Variants in SLC35D4 observed in about 807,000 individuals in gnomAD.
SLC35D4 encodes the protein UDP-N-acetylglucosamine transporter SLC35D4.
At chr18:23,334,830 C>T in the SLC35D4 span, among the ~76,000 whole-genome samples, 126 of 152,030 alleles carry the variant, frequency 8.3e-4, 1 homozygote, top group East Asian at 0.021. Context: ...TGGTAAAACC[C>T]CATCTCTACT....
At chr18:23,411,473 A>T in the SLC35D4 span, among the ~76,000 whole-genome samples, 12 of 137,994 alleles carry the variant, frequency 8.7e-5, no homozygotes, top group African/African-American at 3.2e-4. Context: ...AGAAAAAAGA[A>T]AGAAAGAGAT....
At chr18:23,356,055 C>T in the SLC35D4 span, among the ~76,000 whole-genome samples, 1 of 152,170 alleles carries the variant, frequency 6.6e-6, no homozygotes. This position sits in a 1 kb window ranked among gnomAD's most constrained non-coding sequence, Gnocchi z 4.1. Context: ...GCCTATATCC[C>T]TGAGTCCTTC....
chr18:23,294,443 TA>T, the SLC35D4 span, among the ~76,000 whole-genome samples: 1 of 152,040 alleles, frequency 6.6e-6, no homozygotes, highest in East Asian at 1.9e-4. Flanking sequence ...AAAGCTTGAA[TA>T]AAAAGGCCCA....
chr18:23,430,841 T>C, the SLC35D4 span, among the ~76,000 whole-genome samples: 1 of 152,044 alleles, frequency 6.6e-6, no homozygotes, highest in African/African-American at 2.4e-5. Context: ...GGCAAACAAA[T>C]GACCTCCCAA....
the SLC35D4 span, among the ~76,000 whole-genome samples, chr18:23,367,817 T>A: frequency 6.6e-6 from 1 of 151,954 alleles, no homozygotes; most frequent in African/African-American, 2.4e-5. Flanking sequence ...AGTGCAGTGA[T>A]TCAGTCATAA....
chr18:23,363,194 G>A, the SLC35D4 span, among the ~76,000 whole-genome samples: 1 of 145,932 alleles, frequency 6.9e-6, no homozygotes, highest in East Asian at 2.1e-4. Flanking sequence ...GCAGTGAGCC[G>A]AGATACACCA....
the SLC35D4 span, among the ~76,000 whole-genome samples, chr18:23,410,690 G>A: frequency 3.0e-4 from 45 of 151,912 alleles, 1 homozygote; most frequent in South Asian, 8.3e-3. Flanking sequence ...CCAGCTACTC[G>A]GGAGACTGAG....
chr18:23,261,003 C>T, the SLC35D4 span, among the ~76,000 whole-genome samples: 4 of 152,182 alleles, frequency 2.6e-5, no homozygotes, highest in Non-Finnish European at 5.9e-5. Flanking sequence ...GGGGTGCTAT[C>T]TAAGAGCCCC....
chr18:23,422,716 C>T, the SLC35D4 span, among the ~76,000 whole-genome samples: 29 of 152,304 alleles, frequency 1.9e-4, no homozygotes, highest in African/African-American at 6.5e-4. Flanking sequence ...CCCTCAGCCT[C>T]TTTTCTGTCA....
chr18:23,266,770 G>A, the SLC35D4 span, among the ~76,000 whole-genome samples: 25 of 152,214 alleles, frequency 1.6e-4, no homozygotes, highest in Admixed American at 1.2e-3. Context: ...TGACAAGGTC[G>A]CCTGGCCAAC....
chr18:23,326,909 C>T, the SLC35D4 span, among the ~76,000 whole-genome samples: 30 of 152,218 alleles, frequency 2.0e-4, no homozygotes, highest in East Asian at 5.8e-4. Flanking sequence ...CACTCAAAAC[C>T]GCACAACTGG....
At chr18:23,370,356 C>G in the SLC35D4 span, 1 of 1,246,666 alleles carries the variant, frequency 8.0e-7, no homozygotes, top group Non-Finnish European at 1.1e-6. Flanking sequence ...TGGATAAAGG[C>G]TCCCAAAAGC....
the SLC35D4 span, among the ~76,000 whole-genome samples, chr18:23,359,432 G>A: frequency 6.4e-4 from 96 of 151,082 alleles, no homozygotes; most frequent in Non-Finnish European, 1.1e-3. Flanking sequence ...ACAGCAACAC[G>A]CGGCTTATGC....
At chr18:23,298,377 C>T in the SLC35D4 span, among the ~76,000 whole-genome samples, 1 of 152,192 alleles carries the variant, frequency 6.6e-6, no homozygotes, top group Non-Finnish European at 1.5e-5. Flanking sequence ...CTGGCAGAAA[C>T]ACAGACTTCT....
At chr18:23,405,997 T>C in the SLC35D4 span, among the ~76,000 whole-genome samples, 3 of 152,200 alleles carry the variant, frequency 2.0e-5, no homozygotes, top group African/African-American at 7.2e-5. Context: ...GCTTTTGTCA[T>C]CTCCTGAAAT....
At chr18:23,331,883 C>CTTTT in the SLC35D4 span, among the ~76,000 whole-genome samples, 54 of 102,972 alleles carry the variant, frequency 5.2e-4, 2 homozygotes, top group Admixed American at 1.0e-3. Flanking sequence ...TTGAACATGT[C>CTTTT]TTTTTTTTTT....
chr18:23,383,639 A>C, the SLC35D4 span, among the ~76,000 whole-genome samples: 2 of 152,032 alleles, frequency 1.3e-5, no homozygotes, highest in Admixed American at 1.3e-4. Flanking sequence ...TGGGAGGTGC[A>C]CGGGCAAGGC....
chr18:23,264,941 G>A, the SLC35D4 span, among the ~76,000 whole-genome samples: 1 of 151,788 alleles, frequency 6.6e-6, no homozygotes, highest in African/African-American at 2.4e-5. Context: ...CACCGTGCCC[G>A]GCCTACACTT....
At chr18:23,433,780 C>T in the SLC35D4 span, among the ~76,000 whole-genome samples, 1 of 151,714 alleles carries the variant, frequency 6.6e-6, no homozygotes, top group Non-Finnish European at 1.5e-5. Context: ...AGGAGAACTG[C>T]TGAAGGAGAA....
Sources: allele counts gnomAD v4.1 joint callset (sites outside exome capture counted in the v4.1 genomes callset), GRCh38; gene constraint gnomAD v4.1.1; non-coding constraint Gnocchi (gnomAD v3.1); transcripts MANE v1.5; gene names NCBI Gene and HGNC (gene_info 2026-07-23, HGNC 2026-07-21).